DENND1A: variants seen among roughly 807,000 people sequenced by gnomAD.
DENND1A encodes DENN domain-containing protein 1A.
Under a neutral mutation model 113.7 loss-of-function variants are expected in DENND1A, and 51 were observed. The observed-to-expected ratio is 0.45, with a 90% CI of 0.36 to 0.57. DENND1A has a LOEUF of 0.57. Ranked by LOEUF, DENND1A falls within the 20% of genes least tolerant of loss-of-function variation. The probability of loss-of-function intolerance (pLI) is 0.00; values close to 1 mark genes in which losing one functional copy is unlikely to be tolerated. For synonymous variants in DENND1A, 565 were observed against 570.8 expected (o/e 0.99, Z 0.14); for missense variants, 1,258 against 1,395.9 (o/e 0.90, Z 1.57).
intron 19 of DENND1A, among the ~76,000 whole-genome samples, chr9:123,421,214 G>A (rs752905515): frequency 6.8e-6 from 1 of 147,806 alleles, no homozygotes; most frequent in African/African-American, 2.5e-5. Flanking sequence ...TAGGTACCAG[G>A]CCCCGTGCTA....
chr9:123,506,934 A>T (rs1367070552), intron 13 of DENND1A, among the ~76,000 whole-genome samples: 2 of 152,146 alleles, frequency 1.3e-5, no homozygotes, highest in Non-Finnish European at 2.9e-5. Context: ...GCCTATAATC[A>T]CAGCACTTTG....
At chr9:123,414,728 G>T in intron 19 of DENND1A, 3 of 1,156,238 alleles carry the variant, frequency 2.6e-6, no homozygotes, top group East Asian at 2.6e-5. Flanking sequence ...TACCACCCAT[G>T]AATATCCCCT....
At chr9:123,676,492 A>T (rs2064084614) in intron 6 of DENND1A, among the ~76,000 whole-genome samples, 1 of 152,204 alleles carries the variant, frequency 6.6e-6, no homozygotes, top group Non-Finnish European at 1.5e-5. Context: ...TGCAAAGAAA[A>T]ACTTAAAAAA....
intron 5 of DENND1A, among the ~76,000 whole-genome samples, chr9:123,722,363 G>C (rs2067401383): frequency 6.6e-6 from 1 of 152,204 alleles, no homozygotes; most frequent in Non-Finnish European, 1.5e-5. Context: ...CAATACAATA[G>C]AAAAGAAAAT....
intron 4 of DENND1A, among the ~76,000 whole-genome samples, chr9:123,762,211 C>A (rs962254453): frequency 2.6e-4 from 40 of 152,282 alleles, no homozygotes; most frequent in East Asian, 5.8e-4. Flanking sequence ...TAACAAAAAA[C>A]CATATTTTTC....
rs1186390162 is a variant in DENND1A at position 123,480,868 on chromosome 9, G to A, written c.994-22971C>T. On this transcript the variant is annotated intron_variant, in intron 13 of 23. Coordinates refer to ENST00000394215, the MANE Select transcript of DENND1A (RefSeq NM_001352964.2). The stretch of plus-strand genomic sequence containing the variant: ...GTCCCATGAAATGAAGCTGCTTTCC[G>A]AAAAGTAAAAGGATACCAAGATAGT... Among the ~76,000 whole-genome samples the A allele has an allele frequency of 3.9e-5, 6 of 152,274 alleles. No individual in the cohort carries two copies. In the South Asian group the frequency reaches 8.3e-4, roughly 21 times the overall value.
At position 123,757,750 on chromosome 9, in the gene DENND1A, C is replaced by A; in HGVS notation, c.255G>T (p.Gly85=). Residue 85 remains glycine, a synonymous_variant, in exon 5 of 24, where the codon GGG becomes GGT. Transcript: ENST00000394215. ...TCGCTCCTGAAGATAAGCGGCAGAA[C>A]CCGAATCTCTGTTTGCTGTCAATGT... ...LTDIDSKQRF[G]FCRLSSGAKS... The A allele has an allele frequency of 6.2e-7, 1 of 1,614,074 alleles. No homozygotes were observed. The highest frequency in any genetic ancestry group is 8.5e-7 in the Non-Finnish European group (1 of 1,180,004).
chr9:123,789,599 T>C (rs1223074597), intron 3 of DENND1A, among the ~76,000 whole-genome samples: 1 of 152,102 alleles, frequency 6.6e-6, no homozygotes, highest in South Asian at 2.1e-4. Flanking sequence ...TGGATTATCA[T>C]CCCACGCAGA....
At chr9:123,430,448 T>C (rs554196820) in intron 19 of DENND1A, among the ~76,000 whole-genome samples, 46 of 152,194 alleles carry the variant, frequency 3.0e-4, no homozygotes, top group Admixed American at 5.9e-4. Flanking sequence ...TCATCAATGA[T>C]AGACTGAAAA....
intron 2 of DENND1A, among the ~76,000 whole-genome samples, chr9:123,843,844 T>C (rs868281576): frequency 6.6e-6 from 1 of 152,156 alleles, no homozygotes; most frequent in South Asian, 2.1e-4. Context: ...TCCTTGGAGA[T>C]TGTATCTTCT....
At chr9:123,544,270 C>A (rs2056496517) in intron 13 of DENND1A, among the ~76,000 whole-genome samples, 1 of 152,116 alleles carries the variant, frequency 6.6e-6, no homozygotes, top group African/African-American at 2.4e-5. Flanking sequence ...CTACAAATAT[C>A]AAATATTTAA....
intron 2 of DENND1A, among the ~76,000 whole-genome samples, chr9:123,805,437 A>AT (rs569118785): frequency 0.29 from 41,741 of 145,762 alleles, 6,063 homozygotes; most frequent in African/African-American, 0.35. Flanking sequence ...AATTTATACA[A>AT]TTTTTTTTTT....
intron 1 of DENND1A, among the ~76,000 whole-genome samples, chr9:123,895,701 CA>C (rs1454414442): frequency 6.6e-6 from 1 of 151,734 alleles, no homozygotes; most frequent in Non-Finnish European, 1.5e-5. Context: ...ACAGGGTTAC[CA>C]AAACACAAAA....
chr9:123,840,769 G>A (rs1050977900), intron 2 of DENND1A, among the ~76,000 whole-genome samples: 2 of 152,088 alleles, frequency 1.3e-5, no homozygotes, highest in Admixed American at 6.5e-5. Flanking sequence ...ACTCAGCACC[G>A]CCTGTTACTA....
intron 1 of DENND1A, among the ~76,000 whole-genome samples, chr9:123,913,096 C>T (rs1292913291): frequency 6.9e-6 from 1 of 144,826 alleles, no homozygotes; most frequent in East Asian, 2.0e-4. Context: ...TCAGAGAAAG[C>T]CAGACCAAAG....
chr9:123,710,560 C>CACACACACACACACACACACACATAT (rs60092060), intron 5 of DENND1A, among the ~76,000 whole-genome samples: 5 of 148,864 alleles, frequency 3.4e-5, no homozygotes, highest in Non-Finnish European at 7.4e-5. Context: ...CACACACACA[C>CACACACACACACACACACACACATAT]TGGCATCATA....
intron 13 of DENND1A, among the ~76,000 whole-genome samples, chr9:123,518,841 G>T (rs536843532): frequency 6.6e-6 from 1 of 152,138 alleles, no homozygotes; most frequent in South Asian, 2.1e-4. Flanking sequence ...CAGCCAGCAG[G>T]ACTTTTAACA....
intron 13 of DENND1A, among the ~76,000 whole-genome samples, chr9:123,463,164 G>A (rs139546579): frequency 1.7e-4 from 26 of 152,332 alleles, no homozygotes; most frequent in Non-Finnish European, 2.4e-4. Context: ...AATTCAGGCC[G>A]TGAGTGTTCA....
At chr9:123,585,160 C>A (rs1179438272) in intron 11 of DENND1A, among the ~76,000 whole-genome samples, 1 of 152,202 alleles carries the variant, frequency 6.6e-6, no homozygotes, top group Non-Finnish European at 1.5e-5. Context: ...CCAACTCCTT[C>A]TGCTATCCAC....
Sources: allele counts gnomAD v4.1 joint callset (sites outside exome capture counted in the v4.1 genomes callset), GRCh38; gene constraint gnomAD v4.1.1; transcripts MANE v1.5; gene names NCBI Gene and HGNC (gene_info 2026-07-23, HGNC 2026-07-21).